The following ZNF516 variants were observed in gnomAD, a reference collection of about 807,000 sequenced individuals.
The protein encoded by ZNF516 is zinc finger protein 516.
A neutral mutation model predicts 79.7 loss-of-function variants in ZNF516; 19 were observed. That is an observed-to-expected ratio of 0.24 (90% CI 0.17 to 0.35). The LOEUF is 0.35. Ranked by LOEUF, ZNF516 falls within the 10% of genes least tolerant of loss-of-function variation. ZNF516 has a pLI of 1.00. For missense variants in ZNF516, 1,678 were observed against 1,679.5 expected, an observed-to-expected ratio of 1.00 and a Z score of 0.02; for synonymous variants, 877 against 739.5, an observed-to-expected ratio of 1.19 and a Z score of -3.02.
intron 1 of ZNF516, among the ~76,000 whole-genome samples, chr18:76,469,474 T>C (rs1913698686): frequency 6.6e-6 from 1 of 152,168 alleles, no homozygotes; most frequent in Admixed American, 6.5e-5. Context: ...ACCAAAGACC[T>C]AATAATAGTT....
At chr18:76,473,801 C>CAAAAAAAAA (rs879452949) in intron 1 of ZNF516, among the ~76,000 whole-genome samples, 1 of 101,578 alleles carries the variant, frequency 9.8e-6, no homozygotes. Flanking sequence ...ACTCCATCTC[C>CAAAAAAAAA]AAAAAAAAAA....
rs1912995523 is a variant in ZNF516, at chr18:76,459,924, G to A, written c.-158+3104C>T. Among the ~76,000 whole-genome samples, 1 of 152,182 alleles carries A rather than the reference G, an allele frequency of 6.6e-6. No homozygotes were observed. The highest frequency in any genetic ancestry group is 1.5e-5 in the Non-Finnish European group (1 of 68,038). ...ACGTAGGCAGCCTCCTTGGCATCGGGCAGGTCTGTCTCACCAGTCCCAAAT... is the reference window on the plus strand; with the variant it reads ...ACGTAGGCAGCCTCCTTGGCATCGGACAGGTCTGTCTCACCAGTCCCAAAT... On this transcript the variant is annotated intron_variant, in intron 2 of 6. Transcript: ENST00000443185. The surrounding 1 kb of genome is among the most constrained non-coding windows in gnomAD (Gnocchi z 5.0).
chr18:76,431,669 A>G (rs1453620796), intron 3 of ZNF516, among the ~76,000 whole-genome samples: 1 of 152,180 alleles, frequency 6.6e-6, no homozygotes, highest in African/African-American at 2.4e-5. Context: ...TGGCGGTTTC[A>G]GAGTGCGTGG....
chr18:76,476,702 C>A (rs1490351595), intron 1 of ZNF516, among the ~76,000 whole-genome samples: 2 of 152,172 alleles, frequency 1.3e-5, no homozygotes, highest in Non-Finnish European at 2.9e-5. Context: ...CAAAACCAGT[C>A]ATGGTTTGTC....
chr18:76,443,318 T>A (rs2145564004), intron 2 of ZNF516, 107 bp from the exon 3 acceptor site: 1 of 465,350 alleles, frequency 2.1e-6, no homozygotes, highest in Non-Finnish European at 3.8e-6. Flanking sequence ...CCAACCCACA[T>A]TAAGAAAAGC....
intron 1 of ZNF516, chr18:76,492,063 C>T (rs1254668337): frequency 4.1e-6 from 3 of 729,588 alleles, no homozygotes; most frequent in East Asian, 2.6e-4. Context: ...CGGGCACACC[C>T]GCGCATGGAC....
chr18:76,383,035 CAAAAA>C (rs772423972), intron 3 of ZNF516, among the ~76,000 whole-genome samples: 3 of 49,796 alleles, frequency 6.0e-5, no homozygotes, highest in South Asian at 8.6e-4. Flanking sequence ...GACTCTGTCT[CAAAAA>C]AAAAAAAAAA....
intron 3 of ZNF516, among the ~76,000 whole-genome samples, chr18:76,435,498 A>T (rs1036533420): frequency 6.6e-6 from 1 of 152,164 alleles, no homozygotes. Flanking sequence ...GTGAACAATC[A>T]CCGTCGTGTT....
At chr18:76,428,465 T>C (rs946004609) in intron 3 of ZNF516, among the ~76,000 whole-genome samples, 1 of 151,334 alleles carries the variant, frequency 6.6e-6, no homozygotes, top group African/African-American at 2.4e-5. Flanking sequence ...TACTGCAGCA[T>C]GTTTACTGCA....
chr18:76,405,399 A>C (rs1414387733), intron 3 of ZNF516, among the ~76,000 whole-genome samples: 1 of 152,150 alleles, frequency 6.6e-6, no homozygotes, highest in Non-Finnish European at 1.5e-5. Context: ...CGCATAGGAC[A>C]GGACACTCAG....
intron 2 of ZNF516, among the ~76,000 whole-genome samples, chr18:76,450,866 A>G (rs1192549687): frequency 6.6e-6 from 1 of 152,204 alleles, no homozygotes; most frequent in African/African-American, 2.4e-5. Flanking sequence ...TGTGAATTAA[A>G]CCAGTACAAA....
intron 1 of ZNF516, among the ~76,000 whole-genome samples, chr18:76,477,910 C>T (rs111358730): frequency 2.6e-5 from 4 of 152,068 alleles, no homozygotes; most frequent in African/African-American, 9.7e-5. Flanking sequence ...TGAGAAACAG[C>T]TTTTCTGAAC....
intron 3 of ZNF516, among the ~76,000 whole-genome samples, chr18:76,429,787 C>A (rs1000222000): frequency 6.6e-6 from 1 of 152,138 alleles, no homozygotes; most frequent in African/African-American, 2.4e-5. Flanking sequence ...AATGATGCGC[C>A]GAGCAGTGGC....
chr18:76,458,161 T>C (rs1488695554), intron 2 of ZNF516, among the ~76,000 whole-genome samples: 1 of 152,222 alleles, frequency 6.6e-6, no homozygotes, highest in East Asian at 1.9e-4. Context: ...TATAGCTTCT[T>C]GGAAACTGTA....
At position 76,361,779 on chromosome 18, in the gene ZNF516, C is replaced by T. The variant is rs2074541134; in HGVS notation, c.*719G>A. 6.6e-6 allele frequency: 1 copy of T among 152,220 alleles called. No individual in the cohort carries two copies. Among genetic ancestry groups the T allele is most frequent in the Admixed American group, 6.5e-5 (1 of 15,270 alleles). The allele number at this position is 152,220 out of a possible 1,614,324, so 9.4% of individuals were successfully genotyped here. A position where few individuals can be genotyped will look rare whatever the true frequency, so the allele number is the denominator to read the frequency against. On this transcript the variant is annotated 3_prime_UTR_variant, in exon 7 of 7. Transcript: ENST00000443185. ...CCGAGGCGGAATCTACGCATTCCCA[C>T]AGACGTGTCTCCTTTGCCAGATTCG...
At chr18:76,490,586 G>C (rs1044432934) in intron 1 of ZNF516, 1 of 202,688 alleles carries the variant, frequency 4.9e-6, no homozygotes, top group Non-Finnish European at 8.8e-6. Flanking sequence ...CCTTTTGGGA[G>C]GCTAGCCACC....
intron 1 of ZNF516, among the ~76,000 whole-genome samples, chr18:76,480,199 A>G (rs549721669): frequency 4.0e-5 from 6 of 150,414 alleles, no homozygotes; most frequent in South Asian, 2.1e-4. Flanking sequence ...AAAAAAACTT[A>G]GTAGTAATTC....
intron 3 of ZNF516, among the ~76,000 whole-genome samples, chr18:76,404,740 T>TGA (rs10661694): frequency 0.99 from 151,385 of 152,186 alleles, 75,299 homozygotes; most frequent in Middle Eastern, 1. Context: ...GCATGTGCGT[T>TGA]GTGTGTGCAT....
chr18:76,389,959 A>C (rs1211083457), intron 3 of ZNF516, among the ~76,000 whole-genome samples: 1 of 152,166 alleles, frequency 6.6e-6, no homozygotes, highest in East Asian at 1.9e-4. Context: ...GTTTTATTAC[A>C]TGAGGCAGTA....
Sources: gnomAD v4.1 joint callset for allele counts (sites outside exome capture counted in the v4.1 genomes callset) on GRCh38, gnomAD v4.1.1 for gene constraint, Gnocchi (gnomAD v3.1) non-coding constraint, MANE v1.5 for transcripts, NCBI Gene and HGNC (gene_info 2026-07-23, HGNC 2026-07-21) for gene names.